MGA: variants seen among roughly 807,000 people sequenced by gnomAD.
The protein encoded by MGA is MAX gene-associated protein.
Under a neutral mutation model 261.1 loss-of-function variants are expected in MGA, and 40 were observed. The observed-to-expected ratio is 0.15, with a 90% confidence interval of 0.12 to 0.20. The LOEUF (loss-of-function observed/expected upper bound fraction) is 0.20, where lower values mean the gene tolerates loss of function less well. Ranked by LOEUF, MGA falls within the 10% of genes least tolerant of loss-of-function variation. The probability of loss-of-function intolerance (pLI) is 1.00; values close to 1 mark genes in which losing one functional copy is unlikely to be tolerated. For missense variants in MGA, 3,397 were observed against 3,630.5 expected (o/e 0.94, Z 1.65); for synonymous variants, 1,302 against 1,290.6 (o/e 1.01, Z -0.19).
intron 22 of MGA, 98 bp downstream of exon 22, chr15:41,762,460 G>GTTTTTT (rs1491528643): frequency 6.5e-4 from 123 of 190,520 alleles, no homozygotes; most frequent in Non-Finnish European, 8.8e-4. Context: ...AGTTTTGTGT[G>GTTTTTT]GTTTTTTTTT....
chr15:41,766,651 G>A lies in MGA; in HGVS notation c.8569G>A (p.Gly2857Arg). ...CAGCTCTATGGATACAGAGTTCCCA[G>A]GGGATGCTCGGCGGGCTTTTATTAG... The change falls in exon 24 of 24, where the codon GGG (glycine) becomes AGG (arginine). Residue 2857 changes from glycine (G) to arginine (R), a missense_variant. Gly to Arg is a moderately radical substitution (Grantham distance 125). This residue lies in a region of MGA where 647 missense variants were observed against 642.4 expected (regional missense o/e 1.01). Transcript: ENST00000219905. The A allele has an allele frequency of 1.2e-6, 2 of 1,614,004 alleles. No homozygotes were observed. Among genetic ancestry groups the A allele is most frequent in the Non-Finnish European group, 1.7e-6 (2 of 1,179,900 alleles).
At chr15:41,683,871 G>A (rs778862933) in intron 2 of MGA, among the ~76,000 whole-genome samples, 1 of 151,908 alleles carries the variant, frequency 6.6e-6, no homozygotes, top group Non-Finnish European at 1.5e-5. Context: ...GTGACCCACC[G>A]TGCATGGCCT....
At position 41,645,589 on chromosome 15, in the gene MGA, A is replaced by T. The variant is rs942741015; in HGVS notation, c.-67-23239A>T. On this transcript the variant is annotated intron_variant, in intron 1 of 8. Coordinates refer to the MGA transcript ENST00000566718. ...ACAGAGTGAGACTCTGTCTGAAAAA[A>T]AAAATTGTTGGATTCTTTGATTTTT... Among the ~76,000 whole-genome samples the T allele has an allele frequency of 3.4e-4, 52 of 152,338 alleles. 1 individual carries two copies. Among genetic ancestry groups the T allele is most frequent in the African/African-American group, 1.2e-3 (49 of 41,582 alleles).
chr15:41,724,624 A>G (rs989992013), intron 9 of MGA, among the ~76,000 whole-genome samples: 13 of 152,276 alleles, frequency 8.5e-5, no homozygotes, highest in African/African-American at 2.6e-4. Flanking sequence ...GGCCAGGGCT[A>G]TGGAGAGCCA....
intron 7 of MGA, among the ~76,000 whole-genome samples, chr15:41,710,223 G>A (rs2060320840): frequency 6.6e-6 from 1 of 152,146 alleles, no homozygotes; most frequent in Non-Finnish European, 1.5e-5. Flanking sequence ...TTAGCACTTT[G>A]TAAGAATTAG....
chr15:41,687,206 G>A (rs2059015888), intron 2 of MGA, among the ~76,000 whole-genome samples: 1 of 151,758 alleles, frequency 6.6e-6, no homozygotes. Flanking sequence ...CTTAGATTAG[G>A]GTTTGGTGGA....
chr15:41,678,890 G>A (rs1426373637), intron 2 of MGA, among the ~76,000 whole-genome samples: 1 of 151,944 alleles, frequency 6.6e-6, no homozygotes, highest in Non-Finnish European at 1.5e-5. Flanking sequence ...TATTCTGTTC[G>A]CCTATATGTT....
chr15:41,702,393 A>T (rs1007968031), intron 5 of MGA, among the ~76,000 whole-genome samples: 23 of 152,120 alleles, frequency 1.5e-4, no homozygotes, highest in African/African-American at 5.6e-4. Context: ...TATTTGTATT[A>T]ACTGGGTGAT....
chr15:41,682,832 G>A (rs2058747504), intron 2 of MGA, among the ~76,000 whole-genome samples: 1 of 152,094 alleles, frequency 6.6e-6, no homozygotes, highest in African/African-American at 2.4e-5. Flanking sequence ...ACTGGTTTGT[G>A]TTGTTTTTGT....
intron 11 of MGA, among the ~76,000 whole-genome samples, chr15:41,733,355 G>A (rs1410522088): frequency 6.6e-6 from 1 of 152,156 alleles, no homozygotes; most frequent in South Asian, 2.1e-4. Flanking sequence ...AATGATAAAA[G>A]AGTCTAGGTG....
At chr15:41,756,219 G>C (rs577298542) in intron 18 of MGA, among the ~76,000 whole-genome samples, 1 of 152,158 alleles carries the variant, frequency 6.6e-6, no homozygotes, top group Non-Finnish European at 1.5e-5. Context: ...ATTGTTACAA[G>C]TCAGTAAGAA....
At chr15:41,658,133 T>C (rs1456266887), upstream of MGA, among the ~76,000 whole-genome samples, 16 of 152,228 alleles carry the variant, frequency 1.1e-4, no homozygotes, top group Admixed American at 9.8e-4. Flanking sequence ...TTTAATTGCA[T>C]GCATTCTCTC....
intron 9 of MGA, among the ~76,000 whole-genome samples, chr15:41,723,993 G>A (rs1463976189): frequency 1.3e-5 from 2 of 149,118 alleles, no homozygotes; most frequent in Admixed American, 6.7e-5. Flanking sequence ...GTACTGTACT[G>A]TGTATTTTGT....
intron 1 of MGA, among the ~76,000 whole-genome samples, chr15:41,665,149 G>C (rs2057657752): frequency 6.6e-6 from 1 of 152,168 alleles, no homozygotes; most frequent in East Asian, 1.9e-4. Context: ...GACCAATCTT[G>C]TAAGAAGAGG....
At position 41,708,227 on chromosome 15, in the gene MGA, T is replaced by A. The variant is rs1367798954; in HGVS notation, c.2425+19T>A. On this transcript the variant is annotated intron_variant, in intron 7 of 23. Transcript: ENST00000219905. ...AATGAAGGTAATTAGTTTTTTAAAATTTTTTAAATGTTCTGAAACATGTAG... is the reference window on the plus strand; with the variant it reads ...AATGAAGGTAATTAGTTTTTTAAAAATTTTTAAATGTTCTGAAACATGTAG... 9 of 1,493,744 alleles carry A rather than the reference T, an allele frequency of 6.0e-6. No individual in the cohort carries two copies. Among genetic ancestry groups the A allele is most frequent in the African/African-American group, 1.4e-5 (1 of 71,190 alleles). The allele number at this position is 1,493,744 out of a possible 1,614,324, so 92.5% of individuals were successfully genotyped here.
intron 9 of MGA, among the ~76,000 whole-genome samples, chr15:41,715,238 C>G (rs1447742070): frequency 6.6e-6 from 1 of 151,600 alleles, no homozygotes; most frequent in African/African-American, 2.4e-5. Context: ...CAACCTCCAC[C>G]TCTTGGGTTC....
At chr15:41,740,233 A>G in intron 14 of MGA, 30 bp downstream of exon 14, 7 of 1,608,758 alleles carry the variant, frequency 4.4e-6, no homozygotes, top group Non-Finnish European at 5.9e-6. Flanking sequence ...TGGTTTGGAA[A>G]GGCCTATGAC....
At chr15:41,676,105 CA>C (rs1300627069) in intron 2 of MGA, among the ~76,000 whole-genome samples, 14 of 152,114 alleles carry the variant, frequency 9.2e-5, no homozygotes, top group African/African-American at 3.4e-4. Flanking sequence ...GTTTCTGGCA[CA>C]TATATTTTTC....
chr15:41,678,059 C>G (rs1002142865), intron 2 of MGA, among the ~76,000 whole-genome samples: 4 of 151,252 alleles, frequency 2.6e-5, no homozygotes, highest in South Asian at 2.1e-4. Flanking sequence ...ATAGTTTTAC[C>G]TCTTAAGTTT....
Sources: allele counts gnomAD v4.1 joint callset (sites outside exome capture counted in the v4.1 genomes callset), GRCh38; gene constraint gnomAD v4.1.1; regional missense constraint gnomAD v4.1.1; transcripts MANE v1.5; gene names NCBI Gene and HGNC (gene_info 2026-07-23, HGNC 2026-07-21).